CREB1: variants seen among roughly 807,000 people sequenced by gnomAD.
CREB1 encodes cyclic AMP-responsive element-binding protein 1.
Under a neutral mutation model 42.0 loss-of-function variants are expected in CREB1, and 2 were observed. The observed-to-expected ratio is 0.05, with a 90% confidence interval of 0.02 to 0.15. The LOEUF (loss-of-function observed/expected upper bound fraction) is 0.15, where lower values mean the gene tolerates loss of function less well. Among genes scored for constraint, CREB1 ranks in the 10% least tolerant of loss-of-function variants. CREB1 has a pLI of 1.00. For missense variants in CREB1, 199 were observed against 388.9 expected (o/e 0.51, Z 4.11); for synonymous variants, 123 against 139.9 (o/e 0.88, Z 0.85).
intron 2 of CREB1, among the ~76,000 whole-genome samples, chr2:207,557,404 C>T (rs904537934): frequency 6.6e-6 from 1 of 152,034 alleles, no homozygotes; most frequent in Non-Finnish European, 1.5e-5. Context: ...ATGTATGGGC[C>T]GGGTGTGATG....
At chr2:207,575,882 C>T (rs2082553528) in intron 6 of CREB1, among the ~76,000 whole-genome samples, 1 of 138,802 alleles carries the variant, frequency 7.2e-6, no homozygotes, top group South Asian at 2.4e-4. Context: ...ATAAGAGTTG[C>T]ACTGAATCTC....
At chr2:207,589,307 C>T (rs1042361362) in intron 7 of CREB1, among the ~76,000 whole-genome samples, 1 of 152,150 alleles carries the variant, frequency 6.6e-6, no homozygotes, top group Admixed American at 6.5e-5. Flanking sequence ...TTTTTTGCCT[C>T]ATGGCCCCCT....
At position 207,602,156 on chromosome 2, in the gene CREB1, T is replaced by G. The variant is rs907917489; in HGVS notation, c.*5098T>G. 1 of 197,740 alleles carries G rather than the reference T, an allele frequency of 5.1e-6. No individual in the cohort carries two copies. The highest frequency in any genetic ancestry group is 7.8e-5 in the East Asian group (1 of 12,742). 12.2% of individuals were successfully genotyped at this position (197,740 alleles called of 1,614,324 possible). On this transcript the variant is annotated 3_prime_UTR_variant, in exon 8 of 8. Coordinates refer to ENST00000353267, the MANE Select transcript of CREB1 (RefSeq NM_004379.5). ...GTGTCCTCAGGGGGCAGACCGACTT[T>G]AAGAGGGACCAGATAACGTTTGAAT... is the stretch of plus-strand genomic sequence containing the variant.
In CREB1 at chr2:207,599,073, T is replaced by C. The variant is rs1304905532; in HGVS notation, c.*2015T>C. ...TCGTTTGTAACAAACCATTGTCTTTTTTCAAGGATGAACAGAGTTTATGAA... is the reference window on the plus strand; with the variant it reads ...TCGTTTGTAACAAACCATTGTCTTTCTTCAAGGATGAACAGAGTTTATGAA... On this transcript the variant is annotated 3_prime_UTR_variant, in exon 8 of 8. Transcript: ENST00000353267. 1 of 189,852 alleles carries C rather than the reference T, an allele frequency of 5.3e-6. No homozygotes were observed. The highest frequency in any genetic ancestry group is 8.5e-5 in the East Asian group (1 of 11,774). 11.8% of individuals were successfully genotyped at this position (189,852 alleles called of 1,614,324 possible). A position where few individuals can be genotyped will look rare whatever the true frequency, so the allele number is the denominator to read the frequency against.
At chr2:207,562,798 TA>T in intron 3 of CREB1, among the ~76,000 whole-genome samples, 1 of 152,296 alleles carries the variant, frequency 6.6e-6, no homozygotes, top group East Asian at 1.9e-4. Flanking sequence ...TATTCCAGAA[TA>T]AAGTTTCCAA....
chr2:207,566,143 T>C (rs1405532762), intron 3 of CREB1, among the ~76,000 whole-genome samples: 1 of 152,326 alleles, frequency 6.6e-6, no homozygotes, highest in East Asian at 1.9e-4. Context: ...ATTATAAATA[T>C]ATTTTACTAC....
At chr2:207,572,323 T>C (rs1236587287) in intron 5 of CREB1, among the ~76,000 whole-genome samples, 1 of 152,152 alleles carries the variant, frequency 6.6e-6, no homozygotes, top group African/African-American at 2.4e-5. Flanking sequence ...TACACATGGC[T>C]TTGGCTTTGA....
At chr2:207,581,994 G>A in intron 7 of CREB1, 1 of 700,582 alleles carries the variant, frequency 1.4e-6, no homozygotes, top group Non-Finnish European at 2.6e-6. Context: ...TTCCACAGAG[G>A]TATAGTGTGC....
rs2551928 is a variant in CREB1, at chr2:207,601,054, A to G, written c.*3996A>G. The G allele has an allele frequency of 0.82, 156,067 of 189,260 alleles. 64,698 individuals are homozygous for G. The highest frequency in any genetic ancestry group is 1 in the East Asian group (11,780 of 11,786). The allele number at this position is 189,260 out of a possible 1,614,324, so 11.7% of individuals were successfully genotyped here. ...GATTAAGTAGGGCTAATGTATCTTA[A>G]AGTTAAGATCTTGAATTAAAGTGAG... On this transcript the variant is annotated 3_prime_UTR_variant, in exon 8 of 8. Coordinates refer to ENST00000353267, the MANE Select transcript of CREB1 (RefSeq NM_004379.5).
intron 2 of CREB1, among the ~76,000 whole-genome samples, chr2:207,556,286 ATT>A (rs993137591): frequency 2.6e-5 from 4 of 152,044 alleles, no homozygotes; most frequent in African/African-American, 9.7e-5. Flanking sequence ...CTTTAAGAAT[ATT>A]TTCTCTCATT....
Position 207,601,107 on chromosome 2 carries a change from CA to C in CREB1, c.*4050del, listed in dbSNP as rs1202785477. The C allele has an allele frequency of 1.6e-5, 2 of 125,300 alleles. No individual in the cohort carries two copies. Among genetic ancestry groups the C allele is most frequent in the African/African-American group, 7.6e-5 (2 of 26,168 alleles). The allele number at this position is 125,300 out of a possible 1,614,324, so 7.8% of individuals were successfully genotyped here. A position where few individuals can be genotyped will look rare whatever the true frequency, so the allele number is the denominator to read the frequency against. ...TTAGAAATAGTGTTACATACCTTTT[CA>C]GTTGTTTTCAAGAGGCTTTATTTTT... is the stretch of plus-strand genomic sequence containing the variant. On this transcript the variant is annotated 3_prime_UTR_variant, in exon 8 of 8. Coordinates refer to ENST00000353267, the MANE Select transcript of CREB1 (RefSeq NM_004379.5).
At chr2:207,562,304 C>T (rs1345046173) in intron 3 of CREB1, among the ~76,000 whole-genome samples, 1 of 152,082 alleles carries the variant, frequency 6.6e-6, no homozygotes, top group African/African-American at 2.4e-5. Context: ...TATAGAAGAT[C>T]TTTCTATAAA....
chr2:207,549,931 C>T (rs1416723445), intron 1 of CREB1, among the ~76,000 whole-genome samples: 1 of 151,642 alleles, frequency 6.6e-6, no homozygotes. Flanking sequence ...GATTGTGCCA[C>T]CACACTCCAG....
At chr2:207,571,731 C>T (rs1322841561) in intron 5 of CREB1, 3 of 454,902 alleles carry the variant, frequency 6.6e-6, no homozygotes, top group African/African-American at 6.0e-5. Flanking sequence ...TCTTCTACTT[C>T]AGCATACCTG....
chr2:207,533,761 C>T lies in CREB1; in HGVS notation c.-9+3627C>T, dbSNP rs79124089. ...ATCTGTACTGCAGTATCACTTGAGA[C>T]AGCAGTTTATGGTAATTCAAATATT... is the stretch of plus-strand genomic sequence containing the variant. On this transcript the variant is annotated intron_variant, in intron 1 of 7. Coordinates refer to ENST00000353267, the MANE Select transcript of CREB1 (RefSeq NM_004379.5). 2.6e-4 allele frequency among the ~76,000 whole-genome samples: 39 copies of T among 152,002 alleles called. No homozygotes were observed. In the East Asian group the frequency reaches 7.2e-3, roughly 28 times the overall value.
chr2:207,543,680 G>A, intron 1 of CREB1, among the ~76,000 whole-genome samples: 1 of 152,222 alleles, frequency 6.6e-6, no homozygotes, highest in Middle Eastern at 3.4e-3. Context: ...TTGGCTCACT[G>A]CAGCCTCTGC....
intron 6 of CREB1, chr2:207,576,857 CA>C (rs2082617949): frequency 1.0e-6 from 1 of 957,500 alleles, no homozygotes; most frequent in African/African-American, 1.8e-5. Flanking sequence ...AGCAGTTTGA[CA>C]AATAGTGATT....
chr2:207,534,448 G>A (rs748386525), intron 1 of CREB1, among the ~76,000 whole-genome samples: 6 of 152,194 alleles, frequency 3.9e-5, no homozygotes, highest in Non-Finnish European at 8.8e-5. Context: ...TGTTGGTCAG[G>A]CTGGTCTTGA....
At chr2:207,594,230 T>TA (rs1363421352) in intron 7 of CREB1, among the ~76,000 whole-genome samples, 4 of 152,168 alleles carry the variant, frequency 2.6e-5, no homozygotes, top group African/African-American at 2.4e-5. Flanking sequence ...TTAATTGTGG[T>TA]AAAAAATATA....
Sources: allele counts gnomAD v4.1 joint callset (sites outside exome capture counted in the v4.1 genomes callset), GRCh38; gene constraint gnomAD v4.1.1; transcripts MANE v1.5; gene names NCBI Gene and HGNC (gene_info 2026-07-23, HGNC 2026-07-21).